The following OPCML variants were observed in gnomAD, a reference collection of about 807,000 sequenced individuals.
OPCML encodes opioid binding protein/cell adhesion molecule like.
In OPCML, 13 loss-of-function variants were observed where a neutral mutation model predicts 37.8. The ratio of observed to expected loss-of-function variants is 0.34; its 90% CI spans 0.22 to 0.55. The LOEUF (loss-of-function observed/expected upper bound fraction) is 0.55. OPCML is among the 20% of genes least tolerant of loss of function. The pLI is 0.91. For synonymous variants in OPCML, 176 were observed against 168.8 expected, an observed-to-expected ratio of 1.04 and a Z score of -0.33; for missense variants, 341 against 435.6, an observed-to-expected ratio of 0.78 and a Z score of 1.93.
At chr11:133,114,214 G>C (rs989324880) in intron 1 of OPCML, among the ~76,000 whole-genome samples, 1 of 152,114 alleles carries the variant, frequency 6.6e-6, no homozygotes, top group African/African-American at 2.4e-5. Flanking sequence ...TGCTCGCTCT[G>C]CTGCTGTGGA....
At chr11:132,566,345 T>A (rs2096423172) in intron 3 of OPCML, among the ~76,000 whole-genome samples, 1 of 152,198 alleles carries the variant, frequency 6.6e-6, no homozygotes, top group South Asian at 2.1e-4. Context: ...GAGCACAACA[T>A]AGAGAAGGAA....
At chr11:132,651,820 A>G (rs1163246699) in intron 3 of OPCML, among the ~76,000 whole-genome samples, 2 of 152,220 alleles carry the variant, frequency 1.3e-5, no homozygotes, top group Non-Finnish European at 1.5e-5. Context: ...GGAGCCTCCT[A>G]TGTAAGAATT....
chr11:132,769,513 G>A (rs1946568241), intron 2 of OPCML, among the ~76,000 whole-genome samples: 1 of 152,142 alleles, frequency 6.6e-6, no homozygotes, highest in South Asian at 2.1e-4. Flanking sequence ...CCCTCCCATA[G>A]CTCACACACA....
chr11:133,085,388 T>A (rs556402775), intron 1 of OPCML, among the ~76,000 whole-genome samples: 3 of 152,228 alleles, frequency 2.0e-5, no homozygotes, highest in Non-Finnish European at 1.5e-5. Context: ...TTTAATTAGC[T>A]GTGTGCATGC....
intron 2 of OPCML, among the ~76,000 whole-genome samples, chr11:132,883,423 C>T (rs949626693): frequency 1.3e-5 from 2 of 151,126 alleles, no homozygotes; most frequent in Non-Finnish European, 2.9e-5. Flanking sequence ...GACAAGAAGG[C>T]TATTGTAGAA....
At chr11:133,058,456 G>A (rs1250734659) in intron 1 of OPCML, among the ~76,000 whole-genome samples, 7 of 152,198 alleles carry the variant, frequency 4.6e-5, no homozygotes, top group Admixed American at 3.9e-4. Flanking sequence ...ATTCCAGCAA[G>A]AGCTCAGATA....
intron 1 of OPCML, among the ~76,000 whole-genome samples, chr11:133,363,019 T>C (rs1205864218): frequency 6.6e-6 from 1 of 152,114 alleles, no homozygotes; most frequent in Non-Finnish European, 1.5e-5. Flanking sequence ...TAGGTAAGAT[T>C]CCCAGGACAC....
At chr11:133,416,323 G>A (rs941044394) in intron 1 of OPCML, among the ~76,000 whole-genome samples, 1 of 152,056 alleles carries the variant, frequency 6.6e-6, no homozygotes, top group Non-Finnish European at 1.5e-5. Flanking sequence ...TTCTTTAATG[G>A]CTCAAACTTC....
chr11:133,039,174 A>G (rs1565412332), intron 1 of OPCML, among the ~76,000 whole-genome samples: 3 of 152,106 alleles, frequency 2.0e-5, no homozygotes. Flanking sequence ...AGAGGGAAAA[A>G]TCATAGGCTT....
At chr11:133,299,948 T>A (rs2000606) in intron 1 of OPCML, 2 of 151,984 alleles carry the variant, frequency 1.3e-5, no homozygotes, top group African/African-American at 2.4e-5. Flanking sequence ...ATCTCCATAC[T>A]GATTCATTCA....
At chr11:133,157,234 T>C (rs1383124848) in intron 1 of OPCML, among the ~76,000 whole-genome samples, 1 of 152,148 alleles carries the variant, frequency 6.6e-6, no homozygotes, top group Non-Finnish European at 1.5e-5. Context: ...GTCATCATTA[T>C]GAAAAACCAT....
At chr11:133,295,595 G>A (rs1942610199) in intron 1 of OPCML, among the ~76,000 whole-genome samples, 2 of 152,152 alleles carry the variant, frequency 1.3e-5, no homozygotes, top group African/African-American at 2.4e-5. Context: ...TTTTTTTCAA[G>A]TAAAAGCAAG....
intron 1 of OPCML, chr11:133,005,938 C>G: frequency 3.0e-6 from 3 of 985,404 alleles, no homozygotes; most frequent in Non-Finnish European, 3.6e-6. Context: ...AATTTAGGCT[C>G]ATGGATGTGT....
At chr11:133,041,300 A>G (rs1290635212) in intron 1 of OPCML, among the ~76,000 whole-genome samples, 1 of 152,216 alleles carries the variant, frequency 6.6e-6, no homozygotes, top group African/African-American at 2.4e-5. Context: ...GTAAGTGTTC[A>G]ATGTATCAGT....
intron 1 of OPCML, among the ~76,000 whole-genome samples, chr11:133,524,050 G>C (rs538349171): frequency 1.3e-5 from 2 of 152,322 alleles, no homozygotes; most frequent in Admixed American, 6.5e-5. Context: ...AGCTTCATGA[G>C]AGCAGGAACC....
At position 132,959,651 on chromosome 11, in the gene OPCML, G is replaced by A. The variant is rs758164979; in HGVS notation, c.62-16641C>T. On this transcript the variant is annotated intron_variant, in intron 1 of 7. Coordinates refer to ENST00000524381, the MANE Select transcript of OPCML (RefSeq NM_001012393.5). Reference sequence around the variant, plus strand: ...TGTAAGCATCCTAGTGGTTCACAGCGTTTCCATTTACCTACATTGACTTCG... The same window carrying A: ...TGTAAGCATCCTAGTGGTTCACAGCATTTCCATTTACCTACATTGACTTCG... Among the ~76,000 whole-genome samples, 9 of 152,076 alleles carry A rather than the reference G, an allele frequency of 5.9e-5. No homozygotes were observed. The South Asian group carries it at 8.3e-4, about 14-fold the overall frequency.
At chr11:133,194,744 C>T (rs1385038501) in intron 1 of OPCML, among the ~76,000 whole-genome samples, 2 of 152,170 alleles carry the variant, frequency 1.3e-5, no homozygotes, top group Non-Finnish European at 1.5e-5. Flanking sequence ...AAAATCTATG[C>T]TAATGACCTA....
At chr11:133,313,759 C>T (rs538595165) in intron 1 of OPCML, among the ~76,000 whole-genome samples, 1 of 152,300 alleles carries the variant, frequency 6.6e-6, no homozygotes, top group East Asian at 1.9e-4. Flanking sequence ...CCTACCGACA[C>T]CCTGATTTTA....
At chr11:132,832,910 A>C (rs1005096701) in intron 2 of OPCML, among the ~76,000 whole-genome samples, 2 of 151,458 alleles carry the variant, frequency 1.3e-5, no homozygotes, top group Non-Finnish European at 3.0e-5. Context: ...TACAGTAAAA[A>C]ATGTGATAAA....
Sources: gnomAD v4.1 joint callset for allele counts (sites outside exome capture counted in the v4.1 genomes callset) on GRCh38, gnomAD v4.1.1 for gene constraint, MANE v1.5 for transcripts, NCBI Gene and HGNC (gene_info 2026-07-23, HGNC 2026-07-21) for gene names.